ATG10: variants seen among roughly 807,000 people sequenced by gnomAD.
ATG10 encodes the protein autophagy related 10.
ATG10 carries 30 observed loss-of-function variants against 32.1 expected under a neutral mutation model. The ratio of observed to expected loss-of-function variants is 0.94; its 90% CI spans 0.70 to 1.27. The LOEUF is 1.27. ATG10 is among the 50% of genes most tolerant of loss of function. The pLI is 0.00. For synonymous variants in ATG10, 87 were observed against 91.5 expected, an observed-to-expected ratio of 0.95 and a Z score of 0.28; for missense variants, 233 against 262.3, an observed-to-expected ratio of 0.89 and a Z score of 0.77.
intron 3 of ATG10, 111 bp downstream of exon 3, chr5:82,058,713 A>C: frequency 1.6e-6 from 1 of 638,696 alleles, no homozygotes. Context: ...CCACAATTAT[A>C]TGGCACTCAT....
At chr5:82,120,759 A>G (rs982544454) in intron 3 of ATG10, among the ~76,000 whole-genome samples, 1 of 152,122 alleles carries the variant, frequency 6.6e-6, no homozygotes, top group Non-Finnish European at 1.5e-5. Flanking sequence ...TTGGCTGAGC[A>G]GAAGACTAAA....
chr5:82,197,491 CCT>C (rs1744903633), intron 5 of ATG10, among the ~76,000 whole-genome samples: 1 of 151,912 alleles, frequency 6.6e-6, no homozygotes. Context: ...TACCTACCTA[CCT>C]ACCTACCTGC....
chr5:82,021,418 A>G (rs1561258668), intron 2 of ATG10, among the ~76,000 whole-genome samples: 1 of 152,228 alleles, frequency 6.6e-6, no homozygotes, highest in Non-Finnish European at 1.5e-5. Context: ...AAAATGGTTT[A>G]GTAGTTGCAT....
At chr5:82,149,773 C>T (rs910619456) in intron 3 of ATG10, among the ~76,000 whole-genome samples, 1 of 152,084 alleles carries the variant, frequency 6.6e-6, no homozygotes, top group African/African-American at 2.4e-5. Context: ...GGCTTGAAGA[C>T]CTTTAAGGCA....
intron 2 of ATG10, among the ~76,000 whole-genome samples, chr5:82,003,603 A>G (rs1042615317): frequency 5.3e-5 from 8 of 152,254 alleles, no homozygotes; most frequent in African/African-American, 1.7e-4. Flanking sequence ...TTTGAAACAC[A>G]TGTATCTTAA....
At chr5:81,983,226 T>TG (rs1761115672) in intron 1 of ATG10, among the ~76,000 whole-genome samples, 1 of 105,060 alleles carries the variant, frequency 9.5e-6, no homozygotes, top group Non-Finnish European at 2.0e-5. Context: ...CTGGCCGGGC[T>TG]GGGGGCTGAC....
At chr5:81,994,886 C>A (rs1761615259) in intron 2 of ATG10, among the ~76,000 whole-genome samples, 1 of 152,122 alleles carries the variant, frequency 6.6e-6, no homozygotes, top group South Asian at 2.1e-4. Flanking sequence ...CATAAAAATA[C>A]ATCTAGAAGC....
chr5:82,194,199 G>A (rs1336159412), intron 5 of ATG10, among the ~76,000 whole-genome samples: 5 of 152,132 alleles, frequency 3.3e-5, no homozygotes, highest in African/African-American at 1.2e-4. Context: ...TGTGGGGAAA[G>A]GGACACATTT....
chr5:82,243,449 A>G (rs1216224206), intron 5 of ATG10, among the ~76,000 whole-genome samples: 1 of 152,094 alleles, frequency 6.6e-6, no homozygotes, highest in African/African-American at 2.4e-5. Flanking sequence ...TATCTTAAAT[A>G]TAAGGATGCA....
chr5:82,167,045 G>C (rs191834464), intron 4 of ATG10, among the ~76,000 whole-genome samples: 47 of 152,054 alleles, frequency 3.1e-4, no homozygotes, highest in African/African-American at 8.7e-4. Flanking sequence ...GATTTCAGAA[G>C]AAATCTTTAC....
At chr5:82,184,713 T>C (rs144747820) in intron 5 of ATG10, among the ~76,000 whole-genome samples, 14 of 152,370 alleles carry the variant, frequency 9.2e-5, no homozygotes, top group African/African-American at 3.1e-4. Context: ...TCATACTATA[T>C]ATTAAAATAC....
At chr5:82,141,220 TA>T (rs1310157111) in intron 3 of ATG10, among the ~76,000 whole-genome samples, 1 of 138,040 alleles carries the variant, frequency 7.2e-6, no homozygotes, top group South Asian at 2.3e-4. Context: ...GAATTATCAA[TA>T]AAAAAATAAA....
chr5:81,993,353 T>TTC (rs1761528940), intron 2 of ATG10, among the ~76,000 whole-genome samples: 7 of 21,452 alleles, frequency 3.3e-4, no homozygotes, highest in South Asian at 2.0e-3. Context: ...CTTTCTTTCT[T>TTC]TCTTTCCTTC....
At chr5:82,209,101 G>A (rs1212395335) in intron 5 of ATG10, among the ~76,000 whole-genome samples, 2 of 151,966 alleles carry the variant, frequency 1.3e-5, no homozygotes, top group East Asian at 1.9e-4. Context: ...TAAATGTTTG[G>A]GAAAATTAAT....
At chr5:82,023,717 T>C (rs1762513192) in intron 2 of ATG10, among the ~76,000 whole-genome samples, 1 of 152,218 alleles carries the variant, frequency 6.6e-6, no homozygotes, top group Non-Finnish European at 1.5e-5. Context: ...CCAGTTTTGC[T>C]CCTGATTCTT....
intron 3 of ATG10, among the ~76,000 whole-genome samples, chr5:82,143,605 G>A (rs555063955): frequency 6.6e-6 from 1 of 152,320 alleles, no homozygotes; most frequent in East Asian, 1.9e-4. Context: ...GTTTGTGTTC[G>A]TGCAGACTGT....
chr5:81,991,363 A>G (rs1392652145), intron 2 of ATG10, among the ~76,000 whole-genome samples: 1 of 152,196 alleles, frequency 6.6e-6, no homozygotes, highest in Non-Finnish European at 1.5e-5. Context: ...GCATACAATA[A>G]ACTACATATA....
intron 3 of ATG10, among the ~76,000 whole-genome samples, chr5:82,112,426 G>A (rs1251086644): frequency 6.6e-6 from 1 of 151,748 alleles, no homozygotes; most frequent in Non-Finnish European, 1.5e-5. Flanking sequence ...TTAGTCTTCT[G>A]TTGAGAATTC....
In ATG10 at chr5:82,220,411, C is replaced by T. The variant is rs568446204; in HGVS notation, c.454-32151C>T. ...CCAAGTAGCTGGGACTACAGGCACC[C>T]GCCACCACGCCTGGCCAATTTTTTG... On this transcript the variant is annotated intron_variant, in intron 5 of 7. Coordinates refer to ENST00000282185, the MANE Select transcript of ATG10 (RefSeq NM_031482.5). Among the ~76,000 whole-genome samples, 11 of 151,250 alleles carry T rather than the reference C, an allele frequency of 7.3e-5. No individual in the cohort carries two copies. In the South Asian group the frequency reaches 8.4e-4, roughly 12 times the overall value.
Sources: gnomAD v4.1 joint callset for allele counts (sites outside exome capture counted in the v4.1 genomes callset) on GRCh38, gnomAD v4.1.1 for gene constraint, MANE v1.5 for transcripts, NCBI Gene and HGNC (gene_info 2026-07-23, HGNC 2026-07-21) for gene names.